Variants in TMEM117 observed in about 807,000 individuals in gnomAD.
TMEM117 encodes transmembrane protein 117.
Under a neutral mutation model 52.4 loss-of-function variants are expected in TMEM117, and 27 were observed. The ratio of observed to expected loss-of-function variants is 0.51; its 90% CI spans 0.38 to 0.71. The LOEUF (loss-of-function observed/expected upper bound fraction) is 0.71. Ranked by LOEUF, TMEM117 falls within the 30% of genes least tolerant of loss-of-function variation. TMEM117 has a pLI of 0.00. For synonymous variants in TMEM117, 215 were observed against 206.3 expected, an observed-to-expected ratio of 1.04 and a Z score of -0.36; for missense variants, 556 against 630.5, an observed-to-expected ratio of 0.88 and a Z score of 1.26.
At chr12:44,045,813 A>G (rs1419154427) in intron 3 of TMEM117, among the ~76,000 whole-genome samples, 1 of 152,194 alleles carries the variant, frequency 6.6e-6, no homozygotes, top group Non-Finnish European at 1.5e-5. Flanking sequence ...TCTGCACTCC[A>G]GCCTGGGCGA....
At chr12:43,828,920 G>T in the TMEM117 span, among the ~76,000 whole-genome samples, 1 of 151,928 alleles carries the variant, frequency 6.6e-6, no homozygotes, top group African/African-American at 2.4e-5. Context: ...AGAGCCTTTG[G>T]GTAATTAGAG....
chr12:44,254,519 A>G (rs1950234528), intron 5 of TMEM117, among the ~76,000 whole-genome samples: 1 of 152,076 alleles, frequency 6.6e-6, no homozygotes, highest in Admixed American at 6.6e-5. Flanking sequence ...CTCATACTCT[A>G]CTGCTAGAGT....
the TMEM117 span, among the ~76,000 whole-genome samples, chr12:43,819,915 A>G: frequency 6.6e-6 from 1 of 152,178 alleles, no homozygotes; most frequent in Non-Finnish European, 1.5e-5. Flanking sequence ...TTGGCATCCT[A>G]ATTATTTTGT....
At chr12:44,301,859 T>C (rs987274530) in intron 6 of TMEM117, among the ~76,000 whole-genome samples, 15 of 152,164 alleles carry the variant, frequency 9.9e-5, no homozygotes, top group Admixed American at 9.8e-4. Context: ...TTGGAGAAAC[T>C]CATGGGCTCA....
chr12:43,988,704 C>T (rs1592418761), intron 3 of TMEM117, among the ~76,000 whole-genome samples: 1 of 152,108 alleles, frequency 6.6e-6, no homozygotes, highest in African/African-American at 2.4e-5. Context: ...CTGATTTCAC[C>T]ACGCTGCACT....
At chr12:43,899,817 G>C (rs4354753) in intron 2 of TMEM117, among the ~76,000 whole-genome samples, 1 of 152,032 alleles carries the variant, frequency 6.6e-6, no homozygotes, top group Non-Finnish European at 1.5e-5. Flanking sequence ...TTAGAAAGAA[G>C]ATGAGCTTTG....
chr12:44,116,675 C>T (rs1164964218), intron 3 of TMEM117, among the ~76,000 whole-genome samples: 1 of 152,256 alleles, frequency 6.6e-6, no homozygotes, highest in Non-Finnish European at 1.5e-5. Flanking sequence ...AAACCTTCCT[C>T]ACTTCCTGTA....
chr12:44,154,774 A>C (rs1272042902), intron 4 of TMEM117, among the ~76,000 whole-genome samples: 2 of 151,482 alleles, frequency 1.3e-5, no homozygotes, highest in Non-Finnish European at 2.9e-5. Context: ...CTAAAAAAAA[A>C]AACCCCTTGT....
intron 6 of TMEM117, among the ~76,000 whole-genome samples, chr12:44,345,055 A>C (rs1424807369): frequency 6.6e-6 from 1 of 151,934 alleles, no homozygotes; most frequent in Non-Finnish European, 1.5e-5. Context: ...GACTGGGAAG[A>C]AGAATGAGAT....
intron 3 of TMEM117, among the ~76,000 whole-genome samples, chr12:44,030,844 GA>G (rs778632683): frequency 1.3e-5 from 2 of 152,134 alleles, no homozygotes; most frequent in Non-Finnish European, 2.9e-5. Context: ...AATTATAAAA[GA>G]AATTCTGTGT....
intron 3 of TMEM117, among the ~76,000 whole-genome samples, chr12:44,003,199 A>G (rs1946142093): frequency 6.6e-6 from 1 of 152,192 alleles, no homozygotes; most frequent in African/African-American, 2.4e-5. Flanking sequence ...GGCTTGTGGC[A>G]GAGGGAACAA....
intron 3 of TMEM117, among the ~76,000 whole-genome samples, chr12:44,074,133 C>G (rs1947345175): frequency 6.6e-6 from 1 of 151,880 alleles, no homozygotes; most frequent in Non-Finnish European, 1.5e-5. Flanking sequence ...ATAAAAGTAA[C>G]TTTTGAAAAA....
chr12:44,382,469 G>T (rs896091858), intron 7 of TMEM117, among the ~76,000 whole-genome samples: 2 of 152,110 alleles, frequency 1.3e-5, no homozygotes, highest in African/African-American at 4.8e-5. Flanking sequence ...TGGGCACATT[G>T]TCTCAGAGTT....
At chr12:44,349,112 A>G (rs1316525653) in intron 6 of TMEM117, among the ~76,000 whole-genome samples, 1 of 152,052 alleles carries the variant, frequency 6.6e-6, no homozygotes, top group African/African-American at 2.4e-5. Flanking sequence ...AATTCAAACA[A>G]ATTGCATTTT....
intron 2 of TMEM117, among the ~76,000 whole-genome samples, chr12:43,893,254 G>A (rs138005577): frequency 2.6e-5 from 4 of 152,228 alleles, no homozygotes; most frequent in East Asian, 3.9e-4. Context: ...TGTCAAAAAC[G>A]AACTGTAAGA....
intron 6 of TMEM117, among the ~76,000 whole-genome samples, chr12:44,328,015 A>G (rs995616107): frequency 7.2e-5 from 11 of 152,202 alleles, no homozygotes; most frequent in African/African-American, 2.4e-4. Context: ...GTTTTTCTCT[A>G]TGGAGCGGTG....
chr12:44,217,416 A>G (rs1949732443), intron 5 of TMEM117, among the ~76,000 whole-genome samples: 1 of 152,174 alleles, frequency 6.6e-6, no homozygotes, highest in Non-Finnish European at 1.5e-5. Flanking sequence ...TCCAGCGTGA[A>G]TTCCCCTCAG....
intron 3 of TMEM117, among the ~76,000 whole-genome samples, chr12:43,958,319 G>A (rs1945341944): frequency 6.6e-6 from 1 of 152,136 alleles, no homozygotes; most frequent in Admixed American, 6.5e-5. Flanking sequence ...TTTCCAAAGA[G>A]CGCATACTAT....
At chr12:44,395,132 A>G in the TMEM117 span, among the ~76,000 whole-genome samples, 1 of 152,216 alleles carries the variant, frequency 6.6e-6, no homozygotes, top group African/African-American at 2.4e-5. Flanking sequence ...AGATAACTCT[A>G]ACAATTACTC....
Sources: gnomAD v4.1 joint callset for allele counts (sites outside exome capture counted in the v4.1 genomes callset) on GRCh38, gnomAD v4.1.1 for gene constraint, MANE v1.5 for transcripts, NCBI Gene and HGNC (gene_info 2026-07-23, HGNC 2026-07-21) for gene names.